The following ECI2 variants were observed in gnomAD, a reference collection of about 807,000 sequenced individuals.
ECI2 encodes the protein enoyl-CoA delta isomerase 2, also known as D3,D2-enoyl-CoA isomerase.
In ECI2, 27 loss-of-function variants were observed where a neutral mutation model predicts 38.4. That is an observed-to-expected ratio of 0.70 (90% confidence interval 0.52 to 0.97). The LOEUF is 0.97. Ranked by LOEUF, ECI2 falls within the 50% of genes least tolerant of loss-of-function variation. The pLI, the probability that ECI2 is intolerant of heterozygous loss-of-function variation, is 0.00. For missense variants in ECI2, 470 were observed against 474.4 expected, an observed-to-expected ratio of 0.99 and a Z score of 0.09; for synonymous variants, 168 against 172.0, an observed-to-expected ratio of 0.98 and a Z score of 0.18.
chr6:4,116,085 T>C, intron 9 of ECI2, 56 bp from the exon 10 acceptor site: 1 of 1,564,268 alleles, frequency 6.4e-7, no homozygotes. Flanking sequence ...GGACGTGGAC[T>C]CATGCCTGTA....
rs759070488 is a variant in ECI2 at position 4,126,160 on chromosome 6, C to G, written c.649G>C (p.Ala217Pro). Reference sequence around the variant, plus strand: ...CTCAGTAAAACGGCATTATTTTTAGCTTTCTCCTCTACTCCACCAGGGGGA... The same window carrying G: ...CTCAGTAAAACGGCATTATTTTTAGGTTTCTCCTCTACTCCACCAGGGGGA... ...DIPPGGVEEK[A>P]KNNAVLLREF... is the part of the protein sequence containing the mutation. The change falls in exon 6 of 10, where the codon GCT becomes CCT. Residue 217 changes from alanine to proline, a missense_variant. Physicochemically the swap from Ala to Pro is conservative, Grantham distance 27 (BLOSUM62 -1). Transcript: ENST00000380118. 1 of 1,613,916 alleles carries G rather than the reference C, an allele frequency of 6.2e-7. No homozygotes were observed. Among genetic ancestry groups the G allele is most frequent in the Non-Finnish European group, 8.5e-7 (1 of 1,179,932 alleles).
At chr6:4,127,882 A>G in intron 4 of ECI2, 51 bp from the exon 5 acceptor site, 2 of 1,547,832 alleles carry the variant, frequency 1.3e-6, no homozygotes, top group Non-Finnish European at 1.8e-6. Context: ...CACAGGAATC[A>G]TCAATCAATG....
chr6:4,119,352 G>A (rs1772518261), intron 7 of ECI2, 77 bp from the exon 8 acceptor site: 17 of 1,176,904 alleles, frequency 1.4e-5, no homozygotes, highest in East Asian at 2.5e-5. Context: ...AAAGGGTTTC[G>A]CTCTTTTGCC....
intron 7 of ECI2, among the ~76,000 whole-genome samples, chr6:4,119,751 G>C (rs1772555163): frequency 6.6e-6 from 1 of 152,204 alleles, no homozygotes; most frequent in African/African-American, 2.4e-5. Context: ...AGTTGGATGA[G>C]TTTGAACAAA....
intron 7 of ECI2, chr6:4,122,056 A>C (rs762234373): frequency 1.0e-5 from 16 of 1,535,306 alleles, no homozygotes; most frequent in African/African-American, 1.4e-5. Context: ...GGTACATGCA[A>C]AGTTGCCAGT....
In ECI2 at chr6:4,124,770, T is replaced by G. The variant is rs192688087; in HGVS notation, c.795+480A>C. Among the ~76,000 whole-genome samples, 115 of 152,338 alleles carry G rather than the reference T, an allele frequency of 7.5e-4. 1 individual carries two copies. Among genetic ancestry groups the G allele is most frequent in the African/African-American group, 2.7e-3 (113 of 41,572 alleles). ...TGCAATGGTGAACACAAGGCTGAAT[T>G]GTGTTCTGGGCAAGGAACTTCTCAG... On this transcript the variant is annotated intron_variant, in intron 7 of 9. Transcript: ENST00000380118.
chr6:4,129,058 G>T (rs1215436834), intron 4 of ECI2, among the ~76,000 whole-genome samples: 1 of 152,118 alleles, frequency 6.6e-6, no homozygotes, highest in Non-Finnish European at 1.5e-5. Context: ...CAACTGGTGA[G>T]ACCAGGATTA....
intron 2 of ECI2, 146 bp downstream of exon 2, chr6:4,133,403 T>C: frequency 1.2e-6 from 1 of 862,002 alleles, no homozygotes; most frequent in Non-Finnish European, 1.7e-6. Flanking sequence ...CTGGCATATA[T>C]ATATATACAC....
rs867371709 is a variant in ECI2, at chr6:4,115,884, G to T, written c.1175C>A (p.Ser392Ter). Residue 392 changes from serine (S) to a stop codon, truncating the protein, a stop_gained, in exon 10 of 10, where the codon TCA (serine) becomes TAA (stop). Coordinates refer to ENST00000380118, the MANE Select transcript of ECI2 (RefSeq NM_206836.3). LOFTEE classifies it high-confidence loss of function. ...CTGCTGTAGTGGTCATCACAGTTTT[G>T]ATTTTCTGGATAAGAAGTTCACCAC... is the stretch of plus-strand genomic sequence containing the variant. Reference protein sequence around the residue: ...NAVVNFLSRKSKL With the variant: ...NAVVNFLSRK The T allele has an allele frequency of 6.2e-7, 1 of 1,612,632 alleles. No homozygotes were observed. The highest frequency in any genetic ancestry group is 1.7e-4 in the Middle Eastern group (1 of 6,052).
At chr6:4,133,421 C>T (rs528765864) in intron 2 of ECI2, 128 bp downstream of exon 2, 1 of 1,069,560 alleles carries the variant, frequency 9.3e-7, no homozygotes, top group Non-Finnish European at 1.3e-6. Flanking sequence ...CACACACACA[C>T]TCTTCAGAGA....
Position 4,115,994 on chromosome 6 carries a change from T to C in ECI2, c.1065A>G (p.Arg355=), listed in dbSNP as rs1772237322. The C allele has an allele frequency of 6.2e-7, 1 of 1,613,986 alleles. No individual in the cohort carries two copies. The highest frequency in any genetic ancestry group is 8.5e-7 in the Non-Finnish European group (1 of 1,179,970). The change falls in exon 10 of 10, where the codon AGA becomes AGG. Residue 355 remains arginine (R), a synonymous_variant. Transcript: ENST00000380118. The part of the protein sequence containing the change: ...LRISKEVIRK[R]EREKLHAVNA... Reference sequence around the variant, plus strand: ...TAACAGCGTGTAGTTTTTCTCTCTCTCTTTTCCTGATTACCTCTTTTGAAA... The same window carrying C: ...TAACAGCGTGTAGTTTTTCTCTCTCCCTTTTCCTGATTACCTCTTTTGAAA...
At chr6:4,121,625 G>GT (rs991639936) in intron 7 of ECI2, among the ~76,000 whole-genome samples, 1 of 149,156 alleles carries the variant, frequency 6.7e-6, no homozygotes, top group Non-Finnish European at 1.5e-5. Context: ...TGCCCCAGTG[G>GT]TTTTTTTGGT....
chr6:4,115,812 C>A lies in ECI2; in HGVS notation c.*62G>T, dbSNP rs1183306219. ...CAATGAAGCTTATTTAGTTCCAGTA[C>A]TGGAAATCAGAGGTAACAGCACATC... On this transcript the variant is annotated 3_prime_UTR_variant, in exon 10 of 10. Coordinates refer to ENST00000380118, the MANE Select transcript of ECI2 (RefSeq NM_206836.3). 2.6e-6 allele frequency: 4 copies of A among 1,557,008 alleles called. No individual in the cohort carries two copies. Among genetic ancestry groups the A allele is most frequent in the East Asian group, 4.5e-5 (2 of 44,540 alleles).
At chr6:4,116,135 G>C in intron 9 of ECI2, 106 bp from the exon 10 acceptor site, 1 of 1,275,316 alleles carries the variant, frequency 7.8e-7, no homozygotes. Flanking sequence ...CAGATCAGTT[G>C]AGGTCAGGAG....
intron 7 of ECI2, among the ~76,000 whole-genome samples, chr6:4,119,919 G>A (rs1466704165): frequency 3.4e-5 from 5 of 147,922 alleles, no homozygotes; most frequent in African/African-American, 1.3e-4. Flanking sequence ...ATAGAATGCT[G>A]TATAAGTGGA....
intron 7 of ECI2, chr6:4,122,192 T>C: frequency 2.4e-6 from 1 of 424,430 alleles, no homozygotes; most frequent in Non-Finnish European, 4.3e-6. Flanking sequence ...CACAGTTTTC[T>C]CATTTGTAAA....
At chr6:4,131,768 G>A (rs1045721590) in intron 2 of ECI2, among the ~76,000 whole-genome samples, 1 of 152,038 alleles carries the variant, frequency 6.6e-6, no homozygotes, top group Non-Finnish European at 1.5e-5. Context: ...GAGGCAGAAG[G>A]ATTGCCTGAA....
At chr6:4,133,384 T>C (rs543784095) in intron 2 of ECI2, among the ~76,000 whole-genome samples, 165 bp downstream of exon 2, 82 of 152,194 alleles carry the variant, frequency 5.4e-4, no homozygotes, top group African/African-American at 1.9e-3. Context: ...CAAGGTCTAA[T>C]ATAAAAAACT....
chr6:4,131,022 T>C, intron 2 of ECI2, 157 bp from the exon 3 acceptor site: 1 of 585,758 alleles, frequency 1.7e-6, no homozygotes, highest in Non-Finnish European at 2.9e-6. Flanking sequence ...GTCTCTTTGA[T>C]GTTGTTGCCA....
Sources: allele counts gnomAD v4.1 joint callset (sites outside exome capture counted in the v4.1 genomes callset), GRCh38; gene constraint gnomAD v4.1.1; transcripts MANE v1.5; gene names NCBI Gene and HGNC (gene_info 2026-07-23, HGNC 2026-07-21).